L3MBTL4: variants seen among roughly 807,000 people sequenced by gnomAD.
L3MBTL4 encodes L3MBTL histone methyl-lysine binding protein 4.
L3MBTL4 carries 70 observed loss-of-function variants against 84.5 expected under a neutral mutation model. The ratio of observed to expected loss-of-function variants is 0.83; its 90% CI spans 0.68 to 1.01. L3MBTL4 has a LOEUF of 1.01. Ranked by LOEUF, L3MBTL4 falls within the 50% of genes least tolerant of loss-of-function variation. The pLI, the probability that L3MBTL4 is intolerant of heterozygous loss-of-function variation, is 0.00. For synonymous variants in L3MBTL4, 274 were observed against 259.8 expected (o/e 1.05, Z -0.52); for missense variants, 715 against 754.8 (o/e 0.95, Z 0.62).
chr18:6,301,799 C>T, intron 4 of L3MBTL4, 104 bp downstream of exon 4: 1 of 850,080 alleles, frequency 1.2e-6, no homozygotes. Flanking sequence ...ATATTATTAT[C>T]ACATATTTTA....
intron 16 of L3MBTL4, among the ~76,000 whole-genome samples, chr18:6,041,409 C>T (rs2056393069): frequency 6.6e-6 from 1 of 152,068 alleles, no homozygotes; most frequent in African/African-American, 2.4e-5. Context: ...ATTTCTCCAA[C>T]CTATTAATCT....
In L3MBTL4 at chr18:6,007,177, T is replaced by C. The variant is rs888286301; in HGVS notation, c.1445-37615A>G. ...CAAAAGCCAGACAACAAAATGGGGT[T>C]TTAAAAAAAACCATTTGCGACTCAT... On this transcript the variant is annotated intron_variant, in intron 16 of 18. Coordinates refer to ENST00000317931, the MANE Select transcript of L3MBTL4 (RefSeq NM_001330559.2). 3.1e-4 allele frequency among the ~76,000 whole-genome samples: 47 copies of C among 151,552 alleles called. 1 individual carries two copies. Among genetic ancestry groups the C allele is most frequent in the Non-Finnish European group, 1.0e-4 (7 of 67,844 alleles).
intron 4 of L3MBTL4, among the ~76,000 whole-genome samples, chr18:6,274,393 G>T (rs928821168): frequency 3.9e-5 from 6 of 152,294 alleles, no homozygotes; most frequent in Admixed American, 1.3e-4. Flanking sequence ...CTACAGACAG[G>T]ATAGCCTCAG....
intron 16 of L3MBTL4, among the ~76,000 whole-genome samples, chr18:6,037,696 G>C (rs528151911): frequency 6.6e-6 from 1 of 152,222 alleles, no homozygotes; most frequent in Non-Finnish European, 1.5e-5. Context: ...ATAACTGGTA[G>C]AACACAAATG....
intron 16 of L3MBTL4, among the ~76,000 whole-genome samples, chr18:6,015,472 G>C (rs954561577): frequency 1.3e-5 from 2 of 152,160 alleles, no homozygotes; most frequent in East Asian, 1.9e-4. Context: ...TGGAGTTTTA[G>C]GTCCCAGGAG....
chr18:6,019,651 G>A (rs1191422977), intron 16 of L3MBTL4, among the ~76,000 whole-genome samples: 2 of 152,142 alleles, frequency 1.3e-5, no homozygotes, highest in Non-Finnish European at 1.5e-5. Context: ...GTAAAGTGAG[G>A]TATTATCTCC....
intron 10 of L3MBTL4, among the ~76,000 whole-genome samples, chr18:6,230,345 C>T (rs1219743234): frequency 2.6e-5 from 4 of 152,120 alleles, no homozygotes; most frequent in African/African-American, 9.7e-5. Context: ...CTGTTTTCTG[C>T]TCCTCTGGTA....
At chr18:6,046,517 C>T (rs1322889691) in intron 16 of L3MBTL4, among the ~76,000 whole-genome samples, 1 of 152,082 alleles carries the variant, frequency 6.6e-6, no homozygotes, top group Non-Finnish European at 1.5e-5. Context: ...TAAAGCAAGT[C>T]TCAATAAATT....
At chr18:6,345,095 C>T (rs1393970829) in intron 1 of L3MBTL4, among the ~76,000 whole-genome samples, 1 of 151,420 alleles carries the variant, frequency 6.6e-6, no homozygotes, top group Non-Finnish European at 1.5e-5. Flanking sequence ...ATAGGCCAGG[C>T]ACGGTAGCTC....
intron 1 of L3MBTL4, chr18:6,394,950 A>G (rs1206629008): frequency 6.6e-6 from 1 of 152,198 alleles, no homozygotes; most frequent in East Asian, 1.9e-4. Context: ...TCAATACACA[A>G]AAGAATATAG....
At chr18:6,365,171 C>G (rs1478770606) in intron 1 of L3MBTL4, among the ~76,000 whole-genome samples, 1 of 151,954 alleles carries the variant, frequency 6.6e-6, no homozygotes, top group African/African-American at 2.4e-5. Context: ...TATCAAGCAC[C>G]TATGAATATG....
At chr18:5,979,380 G>C (rs951752538) in intron 16 of L3MBTL4, among the ~76,000 whole-genome samples, 1 of 152,144 alleles carries the variant, frequency 6.6e-6, no homozygotes, top group African/African-American at 2.4e-5. Context: ...ATCCAGGAGT[G>C]TACAATCAGA....
At chr18:6,287,778 C>T (rs1159074014) in intron 4 of L3MBTL4, among the ~76,000 whole-genome samples, 5 of 152,164 alleles carry the variant, frequency 3.3e-5, no homozygotes, top group Non-Finnish European at 7.3e-5. Flanking sequence ...ATATTGGTAT[C>T]GGATTCAAAC....
intron 1 of L3MBTL4, among the ~76,000 whole-genome samples, chr18:6,317,001 A>AAAAT (rs143668018): frequency 0.17 from 25,000 of 150,978 alleles, 2,280 homozygotes; most frequent in African/African-American, 0.25. Context: ...ATACTGGTAC[A>AAAAT]AAATAAATAA....
intron 10 of L3MBTL4, among the ~76,000 whole-genome samples, chr18:6,220,717 GTATTTGGTAAA>G (rs1349357606): frequency 6.6e-6 from 1 of 152,200 alleles, no homozygotes; most frequent in Non-Finnish European, 1.5e-5. Context: ...TATTCAGTAA[GTATTTGGTAAA>G]TATTTGTTGA....
rs189663735 is a variant in L3MBTL4, at chr18:6,080,920, T to C, written c.1405A>G (p.Lys469Glu). The C allele has an allele frequency of 9.9e-6, 16 of 1,608,518 alleles. No homozygotes were observed. The highest frequency in any genetic ancestry group is 3.4e-5 in the Admixed American group (2 of 59,698). ...TCCAAGTCAATATCTTCTTTTCCTT[T>C]GATTTTCAAACACTTTGCCTGCTGT... ...LVQQAKCLKI[K>E]GKEDIDLDNL... Residue 469 changes from lysine to glutamate, a missense_variant, in exon 16 of 19, where the codon AAA becomes GAA. Lys to Glu is a moderately conservative substitution (Grantham distance 56, BLOSUM62 1). Coordinates refer to ENST00000317931, the MANE Select transcript of L3MBTL4 (RefSeq NM_001330559.2).
chr18:6,093,656 C>A (rs958039209), intron 14 of L3MBTL4, 128 bp from the exon 15 acceptor site: 4 of 696,760 alleles, frequency 5.7e-6, no homozygotes, highest in Non-Finnish European at 6.4e-6. Context: ...TCCCTGAGCA[C>A]ACTCAAATAA....
rs186366681 is a variant in L3MBTL4 at position 6,021,763 on chromosome 18, C to T, written c.1445-52201G>A. 8.8e-4 allele frequency among the ~76,000 whole-genome samples: 133 copies of T among 151,164 alleles called. 1 individual carries two copies. Among genetic ancestry groups the T allele is most frequent in the African/African-American group, 2.8e-3 (114 of 41,374 alleles). ...TCTGGTCCCAGTTCTCCTGGTGCAGCGGGGTGGGGGGGTGGCGGGTTTATC... is the reference window on the plus strand; with the variant it reads ...TCTGGTCCCAGTTCTCCTGGTGCAGTGGGGTGGGGGGGTGGCGGGTTTATC... On this transcript the variant is annotated intron_variant, in intron 16 of 18. Coordinates refer to ENST00000317931, the MANE Select transcript of L3MBTL4 (RefSeq NM_001330559.2).
chr18:6,332,018 G>A (rs996528974), intron 1 of L3MBTL4, among the ~76,000 whole-genome samples: 1 of 151,770 alleles, frequency 6.6e-6, no homozygotes, highest in African/African-American at 2.4e-5. Flanking sequence ...TCACAATCCA[G>A]CAGAAAAATC....
Sources: allele counts gnomAD v4.1 joint callset (sites outside exome capture counted in the v4.1 genomes callset), GRCh38; gene constraint gnomAD v4.1.1; transcripts MANE v1.5; gene names NCBI Gene and HGNC (gene_info 2026-07-23, HGNC 2026-07-21).